Variants in CHRNA6 observed in about 807,000 individuals in gnomAD.
CHRNA6 encodes cholinergic receptor nicotinic alpha 6 subunit, also known as neuronal acetylcholine receptor subunit alpha-6.
A neutral mutation model predicts 40.9 loss-of-function variants in CHRNA6; 31 were observed. That is an observed-to-expected ratio of 0.76 (90% CI 0.57 to 1.02). The LOEUF is 1.02. CHRNA6 is among the 50% of genes least tolerant of loss of function. CHRNA6 has a pLI of 0.00. For synonymous variants in CHRNA6, 222 were observed against 221.3 expected (o/e 1.00, Z -0.03); for missense variants, 546 against 596.6 (o/e 0.92, Z 0.88).
At chr8:42,763,170 G>A (rs545028526) in intron 2 of CHRNA6, among the ~76,000 whole-genome samples, 6 of 152,296 alleles carry the variant, frequency 3.9e-5, no homozygotes, top group South Asian at 2.1e-4. Flanking sequence ...AAGAAGCCAC[G>A]TGAAAAGGGT....
chr8:42,757,269 G>T (rs892315555), intron 3 of CHRNA6, among the ~76,000 whole-genome samples: 5 of 152,054 alleles, frequency 3.3e-5, no homozygotes, highest in African/African-American at 9.7e-5. Context: ...GGGAGGCTGA[G>T]GCAGGAGAAT....
chr8:42,768,496 C>A lies in CHRNA6; in HGVS notation c.-66G>T. ...TTGTGGAAAACAAAGAGCTATCAGTCAGCCACATGCATCCAACCTTGACAT... is the reference window on the plus strand; with the variant it reads ...TTGTGGAAAACAAAGAGCTATCAGTAAGCCACATGCATCCAACCTTGACAT... On this transcript the variant is annotated 5_prime_UTR_variant, in exon 1 of 6. An upstream open reading frame in the 5' UTR loses its in-frame stop. Transcript: ENST00000276410. The A allele has an allele frequency of 8.3e-7, 1 of 1,201,038 alleles. No individual in the cohort carries two copies. The highest frequency in any genetic ancestry group is 1.2e-5 in the South Asian group (1 of 82,034). The allele number at this position is 1,201,038 out of a possible 1,614,324, so 74.4% of individuals were successfully genotyped here.
At chr8:42,761,931 T>C (rs1008997146) in intron 2 of CHRNA6, among the ~76,000 whole-genome samples, 6 of 152,226 alleles carry the variant, frequency 3.9e-5, no homozygotes, top group African/African-American at 1.2e-4. Context: ...ACACCAAGGC[T>C]TTATCTTTGT....
intron 5 of CHRNA6, among the ~76,000 whole-genome samples, chr8:42,754,693 G>A (rs978330018): frequency 1.3e-5 from 2 of 152,190 alleles, no homozygotes; most frequent in African/African-American, 4.8e-5. Flanking sequence ...CCAGGCCTGA[G>A]TTTCAGATGC....
At position 42,756,983 on chromosome 8, in the gene CHRNA6, T is replaced by G; in HGVS notation, c.319A>C (p.Thr107Pro). The G allele has an allele frequency of 6.2e-7, 1 of 1,613,824 alleles. No homozygotes were observed. The highest frequency in any genetic ancestry group is 8.5e-7 in the Non-Finnish European group (1 of 1,179,806). The change falls in exon 4 of 6, where the codon ACT becomes CCT. Residue 107 changes from threonine to proline, a missense_variant. Thr to Pro is a conservative substitution (Grantham distance 38). Coordinates refer to ENST00000276410, the MANE Select transcript of CHRNA6 (RefSeq NM_004198.3). ...ATCTTATCTGCAGGAACGCGAAGAG[T>G]CTCAATGCCATCATATTCCATTGGA... ...WDPMEYDGIETLRVPADKIWK... is the reference protein window; with the variant it reads ...WDPMEYDGIEPLRVPADKIWK...
chr8:42,756,741 A>G lies in CHRNA6; in HGVS notation c.458T>C (p.Ile153Thr). Residue 153 changes from isoleucine to threonine, a missense_variant, in exon 5 of 6, where the codon ATT (isoleucine) becomes ACT (threonine). By Grantham distance (89) the Ile-to-Thr change is moderately conservative. Around this residue, in one of 3 missense-constraint regions of CHRNA6, gnomAD observed 476 missense variants for 494.5 expected, o/e 0.96. Coordinates refer to ENST00000276410, the MANE Select transcript of CHRNA6 (RefSeq NM_004198.3). ...NGMITWTPPA[I>T]FKSSCPMDIT... ...ATCCATAGGGCAGGAACTCTTAAAA[A>G]TAGCTGGTGGAGTCCAGGTTATCAT... 6 of 1,613,844 alleles carry G rather than the reference A, an allele frequency of 3.7e-6. No homozygotes were observed. The highest frequency in any genetic ancestry group is 5.1e-6 in the Non-Finnish European group (6 of 1,179,984).
At chr8:42,753,342 T>A (rs778210923) in intron 5 of CHRNA6, 32 bp from the exon 6 acceptor site, 1 of 1,587,172 alleles carries the variant, frequency 6.3e-7, no homozygotes, top group South Asian at 1.2e-5. Flanking sequence ...AGAGCTGTTT[T>A]AAAAAACCAA....
chr8:42,762,089 C>T (rs916906494), intron 2 of CHRNA6, among the ~76,000 whole-genome samples: 8 of 152,194 alleles, frequency 5.3e-5, no homozygotes, highest in Non-Finnish European at 8.8e-5. Flanking sequence ...CCTGGTGCTC[C>T]AGAGCCAAGC....
At chr8:42,758,969 A>G (rs1197240025) in intron 3 of CHRNA6, 100 bp downstream of exon 3, 1 of 940,310 alleles carries the variant, frequency 1.1e-6, no homozygotes, top group Non-Finnish European at 1.7e-6. Context: ...CTAGTGGATA[A>G]TATTTTATAT....
intron 2 of CHRNA6, chr8:42,759,356 C>T: frequency 4.2e-6 from 2 of 481,102 alleles, no homozygotes; most frequent in East Asian, 7.2e-5. Flanking sequence ...TGATTTAAGC[C>T]TCACCTCTTC....
chr8:42,765,308 G>C, intron 1 of CHRNA6, 104 bp from the exon 2 acceptor site: 1 of 1,230,354 alleles, frequency 8.1e-7, no homozygotes, highest in Non-Finnish European at 1.2e-6. Context: ...GAATGTCCCA[G>C]CCCATGACTG....
intron 2 of CHRNA6, among the ~76,000 whole-genome samples, chr8:42,760,532 ACT>A (rs1277623202): frequency 6.6e-6 from 1 of 151,648 alleles, no homozygotes; most frequent in Non-Finnish European, 1.5e-5. Context: ...TCATGCACAC[ACT>A]CATACCCACT....
chr8:42,765,184 C>G lies in CHRNA6; in HGVS notation c.100G>C (p.Glu34Gln). Residue 34 changes from glutamate to glutamine, a missense_variant, in exon 2 of 6, where the codon GAG becomes CAG. Glu to Gln is a conservative substitution (Grantham distance 29). Coordinates refer to ENST00000276410, the MANE Select transcript of CHRNA6 (RefSeq NM_004198.3). The part of the protein sequence containing the change: ...FFKGCVGCAT[E>Q]ERLFHKLFSH... ...AACAGTTTGTGGAAGAGCCTCTCCTCAGTTGCACAGCCCACACAGCCTGTG... is the reference window on the plus strand; with the variant it reads ...AACAGTTTGTGGAAGAGCCTCTCCTGAGTTGCACAGCCCACACAGCCTGTG... The G allele has an allele frequency of 6.2e-7, 1 of 1,614,084 alleles. No homozygotes were observed. The highest frequency in any genetic ancestry group is 8.5e-7 in the Non-Finnish European group (1 of 1,180,000).
In CHRNA6 at chr8:42,756,732, C is replaced by T; in HGVS notation, c.467G>A (p.Ser156Asn). 6.2e-7 allele frequency: 1 copy of T among 1,613,932 alleles called. No individual in the cohort carries two copies. Among genetic ancestry groups the T allele is most frequent in the Non-Finnish European group, 8.5e-7 (1 of 1,179,986 alleles). Residue 156 changes from serine to asparagine, a missense_variant, in exon 5 of 6, where the codon AGT becomes AAT. Ser to Asn is a conservative substitution (Grantham distance 46). Coordinates refer to ENST00000276410, the MANE Select transcript of CHRNA6 (RefSeq NM_004198.3). ...AAAGGTGATATCCATAGGGCAGGAA[C>T]TCTTAAAAATAGCTGGTGGAGTCCA... The part of the protein sequence containing the change: ...ITWTPPAIFK[S>N]SCPMDITFFP...
At position 42,765,077 on chromosome 8, in the gene CHRNA6, C is replaced by A; in HGVS notation, c.207G>T (p.Gln69His). 1.2e-6 allele frequency: 2 copies of A among 1,614,130 alleles called. No individual in the cohort carries two copies. Among genetic ancestry groups the A allele is most frequent in the Non-Finnish European group, 8.5e-7 (1 of 1,179,988 alleles). ...AGAGGGCACTCACCACGTTGGCCAG[C>A]TGGGTGATGGCCACTTCAAAGTGTA... ...VTVHFEVAITQLANVDEVNQI... is the reference protein window; with the variant it reads ...VTVHFEVAITHLANVDEVNQI... The change falls in exon 2 of 6, where the codon CAG becomes CAT. Residue 69 changes from glutamine (Q) to histidine (H), a missense_variant. By Grantham distance (24) the Gln-to-His change is conservative. Coordinates refer to ENST00000276410, the MANE Select transcript of CHRNA6 (RefSeq NM_004198.3).
At chr8:42,757,568 C>CCAA (rs113877727) in intron 3 of CHRNA6, among the ~76,000 whole-genome samples, 16,050 of 115,100 alleles carry the variant, frequency 0.14, 1,077 homozygotes, top group African/African-American at 0.16. Context: ...ACTAAAAATA[C>CCAA]AAAAAAAAAA....
intron 5 of CHRNA6, among the ~76,000 whole-genome samples, chr8:42,753,846 G>A (rs1446051645): frequency 6.6e-6 from 1 of 152,086 alleles, no homozygotes; most frequent in African/African-American, 2.4e-5. Context: ...GGGTCACCAG[G>A]GACTTTCCCA....
At chr8:42,761,651 T>C (rs1019513405) in intron 2 of CHRNA6, among the ~76,000 whole-genome samples, 4 of 152,196 alleles carry the variant, frequency 2.6e-5, no homozygotes, top group African/African-American at 7.2e-5. Flanking sequence ...GAGCAGGACC[T>C]GTCTGGCAAG....
At chr8:42,765,356 G>C in intron 1 of CHRNA6, 152 bp from the exon 2 acceptor site, 1 of 762,542 alleles carries the variant, frequency 1.3e-6, no homozygotes, top group Non-Finnish European at 2.1e-6. Flanking sequence ...TGCTCCACCA[G>C]TGCCCATCTC....
Sources: gnomAD v4.1 joint callset for allele counts (sites outside exome capture counted in the v4.1 genomes callset) on GRCh38, gnomAD v4.1.1 for gene constraint, gnomAD v4.1.1 regional missense constraint, MANE v1.5 for transcripts, NCBI Gene and HGNC (gene_info 2026-07-23, HGNC 2026-07-21) for gene names.